The following NBEA variants were observed in gnomAD, a reference collection of about 807,000 sequenced individuals.
NBEA encodes the protein neurobeachin, also known as lysosomal-trafficking regulator 2.
NBEA carries 44 observed loss-of-function variants against 343.4 expected under a neutral mutation model. The ratio of observed to expected loss-of-function variants is 0.13; its 90% CI spans 0.10 to 0.16. The LOEUF (loss-of-function observed/expected upper bound fraction) is 0.16. Ranked by LOEUF, NBEA falls within the 10% of genes least tolerant of loss-of-function variation. The pLI, the probability that NBEA is intolerant of heterozygous loss-of-function variation, is 1.00. For synonymous variants in NBEA, 1,175 were observed against 1,238.7 expected (o/e 0.95, Z 1.08); for missense variants, 2,555 against 3,631.3 (o/e 0.70, Z 7.62).
chr13:35,442,199 A>G (rs1336407273), intron 39 of NBEA, among the ~76,000 whole-genome samples: 4 of 152,118 alleles, frequency 2.6e-5, no homozygotes, highest in Non-Finnish European at 5.9e-5. Context: ...TTCTGTGTGT[A>G]TTTTATCATA....
At chr13:35,014,061 G>C (rs1399610121) in intron 1 of NBEA, among the ~76,000 whole-genome samples, 1 of 152,030 alleles carries the variant, frequency 6.6e-6, no homozygotes, top group African/African-American at 2.4e-5. Flanking sequence ...TTTTAAAATA[G>C]AAATTTTTGT....
intron 41 of NBEA, among the ~76,000 whole-genome samples, chr13:35,538,835 G>A (rs1465274382): frequency 2.6e-5 from 4 of 152,188 alleles, no homozygotes; most frequent in African/African-American, 9.7e-5. Context: ...AGATGCTCAA[G>A]GTGTACTTTT....
At chr13:35,473,199 G>T (rs1272437459) in intron 41 of NBEA, among the ~76,000 whole-genome samples, 1 of 152,076 alleles carries the variant, frequency 6.6e-6, no homozygotes, top group Non-Finnish European at 1.5e-5. Context: ...AAACACCAGA[G>T]TATTAGAGTA....
chr13:35,670,229 A>G (rs1318671322), intron 58 of NBEA, among the ~76,000 whole-genome samples: 1 of 152,192 alleles, frequency 6.6e-6, no homozygotes, highest in Non-Finnish European at 1.5e-5. Flanking sequence ...GGGGAGGAAT[A>G]TCCCTGAAAA....
chr13:35,070,977 T>A (rs1379291393), intron 10 of NBEA, 125 bp downstream of exon 10: 10 of 1,089,644 alleles, frequency 9.2e-6, no homozygotes, highest in Admixed American at 3.2e-5. Context: ...TAATAAAAAA[T>A]TTTTTAGAAC....
chr13:35,212,298 A>G (rs192883510), intron 33 of NBEA, among the ~76,000 whole-genome samples: 152 of 152,208 alleles, frequency 1.0e-3, no homozygotes, highest in Non-Finnish European at 1.9e-3. Context: ...TTTGTTCAAC[A>G]TTATTTTTAT....
intron 41 of NBEA, among the ~76,000 whole-genome samples, chr13:35,509,350 C>T (rs1460350968): frequency 6.6e-6 from 1 of 151,982 alleles, no homozygotes; most frequent in Non-Finnish European, 1.5e-5. Context: ...TGTCCCAGGT[C>T]ATGTGAGGCA....
intron 36 of NBEA, 115 bp downstream of exon 36, chr13:35,309,707 T>C (rs191154670): frequency 5.1e-6 from 3 of 586,442 alleles, no homozygotes; most frequent in Admixed American, 7.5e-5. Context: ...TTTAGTTAAA[T>C]AATTTATCAC....
At chr13:35,100,106 T>G (rs940380454) in intron 11 of NBEA, among the ~76,000 whole-genome samples, 1 of 152,058 alleles carries the variant, frequency 6.6e-6, no homozygotes, top group African/African-American at 2.4e-5. Context: ...TCCAATTGTT[T>G]TACATTTGAA....
At chr13:34,983,095 A>G (rs1232454113) in intron 1 of NBEA, among the ~76,000 whole-genome samples, 1 of 152,168 alleles carries the variant, frequency 6.6e-6, no homozygotes, top group South Asian at 2.1e-4. Flanking sequence ...ATAGGTATAC[A>G]TGTGCCATGT....
At chr13:35,279,416 T>G (rs2152810128) in intron 34 of NBEA, among the ~76,000 whole-genome samples, 1 of 152,322 alleles carries the variant, frequency 6.6e-6, no homozygotes, top group East Asian at 1.9e-4. Flanking sequence ...TCAGAGTTTC[T>G]TTGACTGAAT....
chr13:35,499,652 T>C (rs1002930504), intron 41 of NBEA, among the ~76,000 whole-genome samples: 1 of 152,146 alleles, frequency 6.6e-6, no homozygotes, highest in Non-Finnish European at 1.5e-5. Flanking sequence ...AATTACTTCA[T>C]GTTTTACACC....
chr13:35,232,560 T>C lies in NBEA; in HGVS notation c.5717T>C (p.Phe1906Ser). The C allele has an allele frequency of 6.4e-7, 1 of 1,557,266 alleles. No homozygotes were observed. Among genetic ancestry groups the C allele is most frequent in the Non-Finnish European group, 8.7e-7 (1 of 1,148,904 alleles). The change falls in exon 34 of 59, where the codon TTT becomes TCT. Residue 1906 changes from phenylalanine to serine, a missense_variant. By Grantham distance (155) the Phe-to-Ser change is radical (BLOSUM62 -2). Around this residue, in one of 21 missense-constraint regions of NBEA, gnomAD observed 84 missense variants for 196.4 expected, o/e 0.43. Transcript: ENST00000379939. ...APLLREIFVDFAPFLSRTLLG... is the reference protein window; with the variant it reads ...APLLREIFVDSAPFLSRTLLG... ...CTTCTTCGTGAAATTTTTGTAGACTTTGCCCCATTCCTATCTCGTACACTT... is the reference window on the plus strand; with the variant it reads ...CTTCTTCGTGAAATTTTTGTAGACTCTGCCCCATTCCTATCTCGTACACTT...
intron 35 of NBEA, among the ~76,000 whole-genome samples, chr13:35,308,458 A>ATATATATATATATATATATATG (rs1566596919): frequency 1.7e-5 from 2 of 118,466 alleles, no homozygotes; most frequent in African/African-American, 8.1e-5. Flanking sequence ...ATATATATAT[A>ATATATATATATATATATATATG]TATATATATA....
intron 41 of NBEA, among the ~76,000 whole-genome samples, chr13:35,541,725 G>GGGGTGTGT (rs149705241): frequency 3.9e-4 from 57 of 145,230 alleles, no homozygotes; most frequent in African/African-American, 1.4e-3. Flanking sequence ...GGTCTGCATG[G>GGGGTGTGT]GTGTGTGTGT....
chr13:35,132,228 G>A (rs1292933900), intron 17 of NBEA, among the ~76,000 whole-genome samples: 5 of 152,052 alleles, frequency 3.3e-5, no homozygotes, highest in South Asian at 4.2e-4. Flanking sequence ...CACGATCTCC[G>A]CTCACTGAAA....
intron 10 of NBEA, among the ~76,000 whole-genome samples, chr13:35,080,285 G>A (rs2064322462): frequency 6.6e-6 from 1 of 152,008 alleles, no homozygotes; most frequent in Non-Finnish European, 1.5e-5. Context: ...CTCTCCCTTG[G>A]TGGCCTATGG....
intron 40 of NBEA, among the ~76,000 whole-genome samples, chr13:35,466,957 G>A (rs1471360856): frequency 6.6e-6 from 1 of 151,806 alleles, no homozygotes; most frequent in Non-Finnish European, 1.5e-5. Context: ...TCTAAAATTT[G>A]GGAATCTAAA....
At chr13:35,138,371 G>A (rs1404717952) in intron 17 of NBEA, among the ~76,000 whole-genome samples, 1 of 151,336 alleles carries the variant, frequency 6.6e-6, no homozygotes, top group Non-Finnish European at 1.5e-5. Flanking sequence ...CCAAAAATGT[G>A]TCTAAAGGAA....
Sources: allele counts gnomAD v4.1 joint callset (sites outside exome capture counted in the v4.1 genomes callset), GRCh38; gene constraint gnomAD v4.1.1; regional missense constraint gnomAD v4.1.1; transcripts MANE v1.5; gene names NCBI Gene and HGNC (gene_info 2026-07-23, HGNC 2026-07-21).